Variants in SMARCA2 observed in about 807,000 individuals in gnomAD.
SMARCA2 encodes the protein SWI/SNF-related matrix-associated actin-dependent regulator of chromatin subfamily A member 2.
A neutral mutation model predicts 199.8 loss-of-function variants in SMARCA2; 61 were observed. The ratio of observed to expected loss-of-function variants is 0.31; its 90% CI spans 0.25 to 0.38. The LOEUF is 0.38. SMARCA2 is among the 10% of genes least tolerant of loss of function. SMARCA2 has a pLI of 1.00. For missense variants in SMARCA2, 1,344 were observed against 2,012.2 expected (o/e 0.67, Z 6.35); for synonymous variants, 935 against 732.0 (o/e 1.28, Z -4.48).
intron 5 of SMARCA2, 104 bp from the exon 6 acceptor site, chr9:2,054,493 G>A: frequency 1.5e-6 from 2 of 1,357,578 alleles, no homozygotes; most frequent in Non-Finnish European, 1.0e-6. Flanking sequence ...TCTGGAATAT[G>A]TTTTGCCCCG....
At position 2,056,986 on chromosome 9, in the gene SMARCA2, C is replaced by A; in HGVS notation, c.1347+141C>A. 1 of 695,946 alleles carries A rather than the reference C, an allele frequency of 1.4e-6. No individual in the cohort carries two copies. Among genetic ancestry groups the A allele is most frequent in the Non-Finnish European group, 2.4e-6 (1 of 421,228 alleles). The allele number at this position is 695,946 out of a possible 1,614,324, so 43.1% of individuals were successfully genotyped here. ...GAACAGAACGGTTCCTTGACATGTA[C>A]ATAATCCAACCACATCATTTTATAG... On this transcript the variant is annotated intron_variant, in intron 7 of 33. Transcript: ENST00000349721. This position sits in a 1 kb window ranked among gnomAD's most constrained non-coding sequence, Gnocchi z 4.0.
chr9:2,182,218 G>A lies in SMARCA2; in HGVS notation c.4437G>A (p.Gln1479=). The A allele has an allele frequency of 6.2e-7, 1 of 1,613,150 alleles. No homozygotes were observed. The highest frequency in any genetic ancestry group is 1.1e-5 in the South Asian group (1 of 91,042). The change falls in exon 31 of 34, where the codon CAG becomes CAA. Residue 1479 remains glutamine, a synonymous_variant. Transcript: ENST00000349721. ...TCATGCTTCTCTGTCACAACGCTCA[G>A]ACGTTCAACCTGGAGGGATCCCAGG... ...KDVMLLCHNA[Q]TFNLEGSQIY...
At chr9:2,174,842 C>A (rs1826450689) in intron 29 of SMARCA2, among the ~76,000 whole-genome samples, 1 of 141,690 alleles carries the variant, frequency 7.1e-6, no homozygotes, top group Admixed American at 7.6e-5. Flanking sequence ...ATTGCTTGAG[C>A]CTGGGAGGTC....
At position 2,096,428 on chromosome 9, in the gene SMARCA2, G is replaced by A. The variant is rs538266315; in HGVS notation, c.2884-229G>A. ...AGAAATTTCAGAAAACATGACCCTA[G>A]CATCAATTACATATAACCTTCAGAA... On this transcript the variant is annotated intron_variant, in intron 19 of 33. Coordinates refer to ENST00000349721, the MANE Select transcript of SMARCA2 (RefSeq NM_003070.5). Among the ~76,000 whole-genome samples, 13 of 152,188 alleles carry A rather than the reference G, an allele frequency of 8.5e-5. No homozygotes were observed. In the South Asian group the frequency reaches 2.7e-3, roughly 32 times the overall value.
intron 3 of SMARCA2, among the ~76,000 whole-genome samples, chr9:2,038,397 G>C (rs555307877): frequency 6.6e-5 from 10 of 152,100 alleles, no homozygotes; most frequent in African/African-American, 1.9e-4. Flanking sequence ...CTGATTTCCT[G>C]TGCCCAGAAC....
chr9:2,073,909 G>A (rs1484352937), intron 12 of SMARCA2, among the ~76,000 whole-genome samples: 1 of 152,188 alleles, frequency 6.6e-6, no homozygotes, highest in Non-Finnish European at 1.5e-5. Context: ...TGGTGAAGTG[G>A]TCTTTTGGGG....
chr9:2,084,426 G>T (rs967602824), intron 17 of SMARCA2, among the ~76,000 whole-genome samples: 27 of 147,210 alleles, frequency 1.8e-4, no homozygotes, highest in African/African-American at 5.8e-4. Context: ...GTTTATGATT[G>T]ATCCTGGGGC....
At chr9:2,029,390 A>C in intron 2 of SMARCA2, 143 bp downstream of exon 2, 1 of 1,217,674 alleles carries the variant, frequency 8.2e-7, no homozygotes, top group Non-Finnish European at 1.1e-6. Context: ...ATTATTAAAA[A>C]CGCATATTGT....
chr9:2,018,398 G>A (rs1400362967), intron 1 of SMARCA2, among the ~76,000 whole-genome samples: 1 of 152,134 alleles, frequency 6.6e-6, no homozygotes, highest in Non-Finnish European at 1.5e-5. Flanking sequence ...TTGGTGCTTT[G>A]GAAAAAGCAA....
At position 2,039,753 on chromosome 9, in the gene SMARCA2, T is replaced by C. The variant is rs1302214327; in HGVS notation, c.643T>C (p.Leu215=). The part of the protein sequence containing the change: ...AVQGKRTLPG[L]QQQQQQQQQQ... ...CCAGGGGAAAAGGACGTTGCCTGGC[T>C]TGCAGCAACAACAGCAGCAGCAACA... The change falls in exon 4 of 34, where the codon TTG becomes CTG. Residue 215 remains leucine, a synonymous_variant. Coordinates refer to ENST00000349721, the MANE Select transcript of SMARCA2 (RefSeq NM_003070.5). This position sits in a 1 kb window ranked among gnomAD's most constrained non-coding sequence, Gnocchi z 4.8. 1 of 1,613,326 alleles carries C rather than the reference T, an allele frequency of 6.2e-7. No homozygotes were observed. Among genetic ancestry groups the C allele is most frequent in the South Asian group, 1.1e-5 (1 of 91,006 alleles).
intron 2 of SMARCA2, among the ~76,000 whole-genome samples, chr9:2,031,248 T>A (rs1819057816): frequency 6.6e-6 from 1 of 152,228 alleles, no homozygotes. Flanking sequence ...TGTTAGCTTG[T>A]CAGAGATCTA....
At chr9:2,117,020 T>C (rs1405517636) in intron 25 of SMARCA2, among the ~76,000 whole-genome samples, 1 of 152,214 alleles carries the variant, frequency 6.6e-6, no homozygotes, top group Non-Finnish European at 1.5e-5. Flanking sequence ...AAACAAATAC[T>C]CCTCAACTTA....
At chr9:2,045,352 A>C (rs904747593) in intron 4 of SMARCA2, 1 of 152,212 alleles carries the variant, frequency 6.6e-6, no homozygotes, top group African/African-American at 2.4e-5. Flanking sequence ...TAGGGAATTA[A>C]AATGAATGTT....
chr9:2,142,103 GA>G (rs1283536010), intron 27 of SMARCA2, among the ~76,000 whole-genome samples: 1 of 152,128 alleles, frequency 6.6e-6, no homozygotes, highest in African/African-American at 2.4e-5. Flanking sequence ...TCTGTTTCTC[GA>G]GAAGGTAGGG....
intron 27 of SMARCA2, among the ~76,000 whole-genome samples, chr9:2,136,078 G>T (rs1824181727): frequency 1.3e-5 from 2 of 151,622 alleles, no homozygotes; most frequent in Admixed American, 1.3e-4. Flanking sequence ...CTGATCTCGT[G>T]ATCCGCCTGC....
At chr9:2,150,329 C>T (rs538482514) in intron 27 of SMARCA2, among the ~76,000 whole-genome samples, 2 of 151,782 alleles carry the variant, frequency 1.3e-5, no homozygotes, top group Admixed American at 1.3e-4. Flanking sequence ...CTGACTGGCT[C>T]AGCCAATCAC....
intron 3 of SMARCA2, among the ~76,000 whole-genome samples, chr9:2,037,642 C>G (rs572250785): frequency 6.6e-6 from 1 of 152,296 alleles, no homozygotes; most frequent in African/African-American, 2.4e-5. Flanking sequence ...TGCAGATGCA[C>G]AGAGCTCTTT....
chr9:2,116,550 T>C (rs1205088833), intron 25 of SMARCA2, among the ~76,000 whole-genome samples: 1 of 152,240 alleles, frequency 6.6e-6, no homozygotes, highest in East Asian at 1.9e-4. Context: ...TTGGCAAGCA[T>C]GACCTTAACC....
chr9:2,145,070 C>T (rs556358330), intron 27 of SMARCA2, among the ~76,000 whole-genome samples: 9 of 152,204 alleles, frequency 5.9e-5, no homozygotes, highest in Admixed American at 3.3e-4. Context: ...GAGGCCTAGG[C>T]GGACGGATCA....
Sources: gnomAD v4.1 joint callset for allele counts (sites outside exome capture counted in the v4.1 genomes callset) on GRCh38, gnomAD v4.1.1 for gene constraint, Gnocchi (gnomAD v3.1) non-coding constraint, MANE v1.5 for transcripts, NCBI Gene and HGNC (gene_info 2026-07-23, HGNC 2026-07-21) for gene names.